The following MTIF2 variants were observed in gnomAD, a reference collection of about 807,000 sequenced individuals.
The protein encoded by MTIF2 is translation initiation factor IF-2, mitochondrial.
In MTIF2, 71 loss-of-function variants were observed where a neutral mutation model predicts 83.5. That is an observed-to-expected ratio of 0.85 (90% CI 0.70 to 1.04). MTIF2 has a LOEUF of 1.04. Among genes scored for constraint, MTIF2 ranks in the 50% least tolerant of loss-of-function variants. The probability of loss-of-function intolerance (pLI) is 0.00; values close to 1 mark genes in which losing one functional copy is unlikely to be tolerated. For synonymous variants in MTIF2, 319 were observed against 287.1 expected (o/e 1.11, Z -1.12); for missense variants, 957 against 846.5 (o/e 1.13, Z -1.62).
chr2:55,238,451 C>T (rs1204114745), intron 14 of MTIF2, among the ~76,000 whole-genome samples: 3 of 135,986 alleles, frequency 2.2e-5, no homozygotes, highest in Non-Finnish European at 4.6e-5. Context: ...AGTGCAATGG[C>T]GCGATCTTGG....
intron 8 of MTIF2, among the ~76,000 whole-genome samples, chr2:55,250,048 G>A (rs1558563798): frequency 1.3e-5 from 2 of 152,070 alleles, no homozygotes; most frequent in Admixed American, 6.6e-5. Context: ...AGCTGAAATC[G>A]TGTCACTGCA....
rs1360020327 is a variant in MTIF2, at chr2:55,249,862, C to T, written c.842-328G>A. On this transcript the variant is annotated intron_variant, in intron 8 of 15. Coordinates refer to ENST00000263629, the MANE Select transcript of MTIF2 (RefSeq NM_002453.3). ...ATCCTAGCACTTTGGGAAGCTGAGG[C>T]GGGTGGATCACCTGAGGTCAGGAGT... is the stretch of plus-strand genomic sequence containing the variant. Among the ~76,000 whole-genome samples the T allele has an allele frequency of 3.3e-5, 5 of 152,050 alleles. No homozygotes were observed. In the South Asian group the frequency reaches 6.2e-4, roughly 19 times the overall value.
Position 55,262,312 on chromosome 2 carries a change from T to A in MTIF2, c.331+4A>T, listed in dbSNP as rs1678065245. 1 of 1,595,880 alleles carries A rather than the reference T, an allele frequency of 6.3e-7. No individual in the cohort carries two copies. The highest frequency in any genetic ancestry group is 1.1e-5 in the South Asian group (1 of 90,182). ...ATTTTGCTTTGTAAAAATATCTGAC[T>A]CACCTGTGTTTTTTTCCATTGCCCT... On this transcript the variant is annotated splice_donor_region_variant and intron_variant, in intron 5 of 15. Coordinates refer to ENST00000263629, the MANE Select transcript of MTIF2 (RefSeq NM_002453.3).
intron 10 of MTIF2, among the ~76,000 whole-genome samples, chr2:55,245,007 A>C (rs1237115060): frequency 1.3e-5 from 2 of 152,190 alleles, no homozygotes; most frequent in African/African-American, 4.8e-5. Context: ...AGATCACACC[A>C]CTGCATTCCA....
At chr2:55,251,157 T>C (rs957226436) in intron 8 of MTIF2, among the ~76,000 whole-genome samples, 3 of 151,370 alleles carry the variant, frequency 2.0e-5, no homozygotes, top group Non-Finnish European at 2.9e-5. Context: ...ACATTCTATG[T>C]TGATGAGCTG....
At chr2:55,261,018 G>C (rs541313489) in intron 5 of MTIF2, among the ~76,000 whole-genome samples, 4 of 150,698 alleles carry the variant, frequency 2.7e-5, no homozygotes, top group Admixed American at 2.0e-4. Flanking sequence ...ATGGAGTCTC[G>C]CTCTGTCGTC....
At position 55,244,118 on chromosome 2, in the gene MTIF2, C is replaced by T. The variant is rs1278799294; in HGVS notation, c.1222G>A (p.Asp408Asn). 2 of 1,614,022 alleles carry T rather than the reference C, an allele frequency of 1.2e-6. No individual in the cohort carries two copies. Among genetic ancestry groups the T allele is most frequent in the African/African-American group, 1.3e-5 (1 of 74,932 alleles). The change falls in exon 11 of 16, where the codon GAT (aspartate) becomes AAT (asparagine). Residue 408 changes from aspartate to asparagine, a missense_variant. Transcript: ENST00000263629. ...LMFDENGKTI[D>N]EAYPSMPVGI... ...ACTGGCATGCTGGGATAGGCCTCAT[C>T]AATTGTTTTTCCATTTTCATCAAAC...
intron 5 of MTIF2, among the ~76,000 whole-genome samples, chr2:55,255,713 T>C (rs1246995715): frequency 6.6e-6 from 1 of 151,546 alleles, no homozygotes; most frequent in Non-Finnish European, 1.5e-5. Context: ...TGAAAAAAAG[T>C]GACACTAAAT....
chr2:55,249,647 T>C (rs1314443499), intron 8 of MTIF2, 113 bp from the exon 9 acceptor site: 5 of 1,330,548 alleles, frequency 3.8e-6, no homozygotes, highest in Non-Finnish European at 5.1e-6. Flanking sequence ...AGTGGATGTT[T>C]TTATCTAACA....
At chr2:55,261,222 T>C (rs1677958452) in intron 5 of MTIF2, among the ~76,000 whole-genome samples, 1 of 152,144 alleles carries the variant, frequency 6.6e-6, no homozygotes, top group Admixed American at 6.6e-5. Context: ...TCTCCTGACC[T>C]AGCCTCCCAA....
intron 13 of MTIF2, 57 bp downstream of exon 13, chr2:55,242,883 A>T (rs888204394): frequency 6.5e-7 from 1 of 1,532,204 alleles, no homozygotes; most frequent in East Asian, 2.3e-5. Context: ...AGACAGAAGC[A>T]GATGGTTCAG....
At chr2:55,244,919 C>T (rs1024106698) in intron 10 of MTIF2, among the ~76,000 whole-genome samples, 10 of 151,904 alleles carry the variant, frequency 6.6e-5, no homozygotes, top group Non-Finnish European at 1.0e-4. Context: ...TGGTGGCACG[C>T]GCCTACAGTC....
chr2:55,249,025 A>G (rs1248833042), intron 9 of MTIF2, among the ~76,000 whole-genome samples: 4 of 152,154 alleles, frequency 2.6e-5, no homozygotes, highest in Non-Finnish European at 4.4e-5. Flanking sequence ...TGTAGCCCCA[A>G]CTACTCAAGA....
At chr2:55,253,730 G>T (rs1373148910) in intron 7 of MTIF2, among the ~76,000 whole-genome samples, 1 of 129,620 alleles carries the variant, frequency 7.7e-6, no homozygotes, top group African/African-American at 2.8e-5. Flanking sequence ...CAGGAGAACT[G>T]CTTGAACTGG....
Position 55,263,626 on chromosome 2 carries a change from A to T in MTIF2, c.219+14T>A. Reference sequence around the variant, plus strand: ...CTCCATCTCAAAAAAAAAAAAAAAGAAATCTGTAACTACCTTTTTTGTTAC... The same window carrying T: ...CTCCATCTCAAAAAAAAAAAAAAAGTAATCTGTAACTACCTTTTTTGTTAC... On this transcript the variant is annotated intron_variant, in intron 4 of 15. Coordinates refer to ENST00000263629, the MANE Select transcript of MTIF2 (RefSeq NM_002453.3). The T allele has an allele frequency of 6.4e-7, 1 of 1,568,420 alleles. No homozygotes were observed. Among genetic ancestry groups the T allele is most frequent in the Non-Finnish European group, 8.6e-7 (1 of 1,157,902 alleles).
intron 10 of MTIF2, 57 bp from the exon 11 acceptor site, chr2:55,244,290 A>G (rs1418719847): frequency 5.5e-6 from 7 of 1,271,984 alleles, no homozygotes; most frequent in South Asian, 1.3e-5. Flanking sequence ...AGTAGAGCAA[A>G]GATATCTTTA....
At chr2:55,246,071 G>GA (rs924172954) in intron 10 of MTIF2, among the ~76,000 whole-genome samples, 2 of 151,810 alleles carry the variant, frequency 1.3e-5, no homozygotes, top group Non-Finnish European at 2.9e-5. Flanking sequence ...GTCAGTGAGG[G>GA]AAAAAAAATA....
chr2:55,236,891 G>A (rs903890122), intron 15 of MTIF2, 71 bp from the exon 16 acceptor site: 2 of 1,174,564 alleles, frequency 1.7e-6, no homozygotes, highest in African/African-American at 3.2e-5. Context: ...ACATTATGTG[G>A]TGTTAACCAG....
chr2:55,239,393 C>T (rs796797867), intron 14 of MTIF2, among the ~76,000 whole-genome samples: 3 of 151,922 alleles, frequency 2.0e-5, no homozygotes, highest in African/African-American at 7.3e-5. Context: ...GCAAATAGGA[C>T]AAAATGTAAA....
Sources: allele counts gnomAD v4.1 joint callset (sites outside exome capture counted in the v4.1 genomes callset), GRCh38; gene constraint gnomAD v4.1.1; transcripts MANE v1.5; gene names NCBI Gene and HGNC (gene_info 2026-07-23, HGNC 2026-07-21).